The following RAPGEF1 variants were observed in gnomAD, a reference collection of about 807,000 sequenced individuals.
RAPGEF1 encodes Rap guanine nucleotide exchange factor 1.
A neutral mutation model predicts 143.3 loss-of-function variants in RAPGEF1; 33 were observed. The ratio of observed to expected loss-of-function variants is 0.23; its 90% CI spans 0.17 to 0.31. The LOEUF is 0.31. Among genes scored for constraint, RAPGEF1 ranks in the 10% least tolerant of loss-of-function variants. RAPGEF1 has a pLI of 1.00. For missense variants in RAPGEF1, 1,199 were observed against 1,645.4 expected, an observed-to-expected ratio of 0.73 and a Z score of 4.69; for synonymous variants, 629 against 676.5, an observed-to-expected ratio of 0.93 and a Z score of 1.09.
chr9:131,594,461 A>T (rs911715575), intron 17 of RAPGEF1, among the ~76,000 whole-genome samples: 1 of 152,110 alleles, frequency 6.6e-6, no homozygotes, highest in East Asian at 1.9e-4. Context: ...CCGTGCAACC[A>T]CAAAGCACCC....
At chr9:131,623,637 A>G (rs1378238496) in intron 10 of RAPGEF1, among the ~76,000 whole-genome samples, 1 of 152,318 alleles carries the variant, frequency 6.6e-6, no homozygotes, top group Non-Finnish European at 1.5e-5. Context: ...CCTTGCTCCT[A>G]ACACAGCCAG....
chr9:131,691,895 G>T (rs1481283531), intron 1 of RAPGEF1, among the ~76,000 whole-genome samples: 1 of 151,926 alleles, frequency 6.6e-6, no homozygotes, highest in African/African-American at 2.4e-5. Flanking sequence ...CCTTATATTA[G>T]CTTTCAGTAA....
intron 4 of RAPGEF1, among the ~76,000 whole-genome samples, chr9:131,642,887 CAA>C (rs1968436688): frequency 6.6e-6 from 1 of 152,160 alleles, no homozygotes; most frequent in Non-Finnish European, 1.5e-5. Context: ...TAATGAAACT[CAA>C]AAAGTTTCAT....
At position 131,675,205 on chromosome 9, in the gene RAPGEF1, G is replaced by A. The variant is rs923909355; in HGVS notation, c.62-24256C>T. 6.6e-6 allele frequency among the ~76,000 whole-genome samples: 1 copy of A among 152,160 alleles called. No homozygotes were observed. Among genetic ancestry groups the A allele is most frequent in the African/African-American group, 2.4e-5 (1 of 41,420 alleles). On this transcript the variant is annotated intron_variant, in intron 1 of 26. Transcript: ENST00000683357. This position sits in a 1 kb window ranked among gnomAD's most constrained non-coding sequence, Gnocchi z 4.6. Reference sequence around the variant, plus strand: ...TGGCTGGATTTGCGCTGTATTTCTCGTGGGGATGAGGCACGGACCGAGGGG... The same window carrying A: ...TGGCTGGATTTGCGCTGTATTTCTCATGGGGATGAGGCACGGACCGAGGGG...
At chr9:131,615,003 A>G (rs1033247799) in intron 12 of RAPGEF1, among the ~76,000 whole-genome samples, 1 of 152,270 alleles carries the variant, frequency 6.6e-6, no homozygotes, top group Non-Finnish European at 1.5e-5. Flanking sequence ...CCTCTTAGTG[A>G]GAGTAAATAC....
At chr9:131,592,372 C>G (rs1014097525) in intron 17 of RAPGEF1, among the ~76,000 whole-genome samples, 189 bp from the exon 18 acceptor site, 1 of 152,166 alleles carries the variant, frequency 6.6e-6, no homozygotes, top group Non-Finnish European at 1.5e-5. Context: ...AGAAGTCACA[C>G]GTCCTCTCTG....
intron 15 of RAPGEF1, among the ~76,000 whole-genome samples, chr9:131,599,712 A>G (rs11243447): frequency 0.56 from 85,234 of 151,956 alleles, 25,324 homozygotes; most frequent in African/African-American, 0.76. Flanking sequence ...AGCTGGGCCT[A>G]CAGATATGCC....
chr9:131,645,208 G>A (rs1297037276), intron 3 of RAPGEF1, among the ~76,000 whole-genome samples: 1 of 152,226 alleles, frequency 6.6e-6, no homozygotes, highest in Non-Finnish European at 1.5e-5. Flanking sequence ...AGGAGTCGCA[G>A]TGCCGACAGA....
intron 5 of RAPGEF1, among the ~76,000 whole-genome samples, chr9:131,636,870 C>T (rs1431718693): frequency 1.3e-5 from 2 of 152,134 alleles, no homozygotes; most frequent in Non-Finnish European, 2.9e-5. Context: ...CAACAGCCAC[C>T]CTGGGCTACA....
At chr9:131,724,190 C>T (rs12004161) in intron 1 of RAPGEF1, among the ~76,000 whole-genome samples, 42,239 of 152,020 alleles carry the variant, frequency 0.28, 6,380 homozygotes, top group Non-Finnish European at 0.34. Context: ...TGTGAGTGTC[C>T]GGCTGACAGT....
intron 12 of RAPGEF1, among the ~76,000 whole-genome samples, chr9:131,608,691 C>G (rs1957510344): frequency 6.6e-6 from 1 of 152,202 alleles, no homozygotes; most frequent in Admixed American, 6.5e-5. Flanking sequence ...GGAAAGGTAC[C>G]TTCACGGGGC....
chr9:131,615,031 CAAAG>C (rs1958700645), intron 12 of RAPGEF1, among the ~76,000 whole-genome samples: 1 of 152,184 alleles, frequency 6.6e-6, no homozygotes, highest in African/African-American at 2.4e-5. Flanking sequence ...TTTCAGTTAG[CAAAG>C]AAAGAACGTA....
intron 22 of RAPGEF1, among the ~76,000 whole-genome samples, chr9:131,585,365 G>C (rs543544367): frequency 4.7e-5 from 7 of 148,842 alleles, no homozygotes; most frequent in Admixed American, 1.3e-4. Context: ...TTTTTGTAGG[G>C]GGGGGGCGTC....
At chr9:131,609,021 C>A (rs897186326) in intron 12 of RAPGEF1, among the ~76,000 whole-genome samples, 2 of 152,102 alleles carry the variant, frequency 1.3e-5, no homozygotes, top group Non-Finnish European at 2.9e-5. Flanking sequence ...TATTTATAGC[C>A]AGAATAAGAC....
chr9:131,616,505 G>C (rs1302230504), intron 12 of RAPGEF1, among the ~76,000 whole-genome samples: 3 of 152,218 alleles, frequency 2.0e-5, no homozygotes, highest in African/African-American at 7.2e-5. Flanking sequence ...CAGGGAAGGA[G>C]TGAATGAGAA....
intron 1 of RAPGEF1, among the ~76,000 whole-genome samples, chr9:131,684,745 A>C (rs1487727556): frequency 6.6e-6 from 1 of 152,256 alleles, no homozygotes; most frequent in African/African-American, 2.4e-5. Flanking sequence ...AGTAGAGGTT[A>C]TGCTTGTATT....
chr9:131,627,213 C>CAAAAAAAAAAAAAAAAAAAAAAA (rs10690802), intron 9 of RAPGEF1, among the ~76,000 whole-genome samples: 5 of 97,404 alleles, frequency 5.1e-5, no homozygotes, highest in East Asian at 7.6e-4. Flanking sequence ...GGCTCTGTCT[C>CAAAAAAAAAAAAAAAAAAAAAAA]AAAAAAAAAA....
rs567351950 is a variant in RAPGEF1, at chr9:131,702,916, TA to T, written c.61+36853del. 2.1e-3 allele frequency among the ~76,000 whole-genome samples: 321 copies of T among 152,242 alleles called. 1 individual carries two copies. The highest frequency in any genetic ancestry group is 7.1e-3 in the African/African-American group (294 of 41,534). Reference sequence around the variant, plus strand: ...AAATTAAAAGAAAAAAAAGCAAAATTATTTGCATACGATGACAATTCTATGA... The same window carrying T: ...AAATTAAAAGAAAAAAAAGCAAAATTTTTGCATACGATGACAATTCTATGA... On this transcript the variant is annotated intron_variant, in intron 1 of 26. Coordinates refer to ENST00000683357, the MANE Select transcript of RAPGEF1 (RefSeq NM_001377935.1).
chr9:131,619,727 G>A (rs910084629), intron 11 of RAPGEF1, among the ~76,000 whole-genome samples: 4 of 152,234 alleles, frequency 2.6e-5, no homozygotes, highest in Non-Finnish European at 5.9e-5. Flanking sequence ...AGGATGAAAT[G>A]GGATGATACG....
Sources: gnomAD v4.1 joint callset for allele counts (sites outside exome capture counted in the v4.1 genomes callset) on GRCh38, gnomAD v4.1.1 for gene constraint, Gnocchi (gnomAD v3.1) non-coding constraint, MANE v1.5 for transcripts, NCBI Gene and HGNC (gene_info 2026-07-23, HGNC 2026-07-21) for gene names.